The following GTPBP1 variants were observed in gnomAD, a reference collection of about 807,000 sequenced individuals.
The protein encoded by GTPBP1 is GTP-binding protein 1.
Under a neutral mutation model 62.0 loss-of-function variants are expected in GTPBP1, and 23 were observed. The ratio of observed to expected loss-of-function variants is 0.37; its 90% CI spans 0.27 to 0.53. The LOEUF is 0.53. GTPBP1 is among the 20% of genes least tolerant of loss of function. GTPBP1 has a pLI of 0.89. For synonymous variants in GTPBP1, 344 were observed against 364.4 expected, an observed-to-expected ratio of 0.94 and a Z score of 0.64; for missense variants, 640 against 917.3, an observed-to-expected ratio of 0.70 and a Z score of 3.90.
Position 38,726,024 on chromosome 22 carries a change from G to A in GTPBP1, c.1092G>A (p.Gln364=). The A allele has an allele frequency of 6.2e-7, 1 of 1,614,082 alleles. No individual in the cohort carries two copies. ...TGCTTAGGATGTGCCCGATATTCCA[G>A]ATCTCCAACGTTACAGGCGAGAACC... ...FSSERMCPIF[Q]ISNVTGENLD... Residue 364 remains glutamine (Q), a synonymous_variant, in exon 7 of 12, where the codon CAG becomes CAA. Coordinates refer to ENST00000216044, the MANE Select transcript of GTPBP1 (RefSeq NM_004286.5). This position sits in a 1 kb window ranked among gnomAD's most constrained non-coding sequence, Gnocchi z 4.1.
chr22:38,726,181 G>A lies in GTPBP1; in HGVS notation c.1218+31G>A, dbSNP rs763494965. Reference sequence around the variant, plus strand: ...TGGCTCTGGGCGGGTAGCTGGGTGGGCACTTCCTACAGTGGCATCAGGGGG... The same window carrying A: ...TGGCTCTGGGCGGGTAGCTGGGTGGACACTTCCTACAGTGGCATCAGGGGG... On this transcript the variant is annotated intron_variant, in intron 7 of 11. Transcript: ENST00000216044. The surrounding 1 kb of genome is among the most constrained non-coding windows in gnomAD (Gnocchi z 4.1). 4 of 1,608,882 alleles carry A rather than the reference G, an allele frequency of 2.5e-6. No individual in the cohort carries two copies. In the African/African-American group the frequency reaches 5.3e-5, roughly 21 times the overall value.
Position 38,705,968 on chromosome 22 carries a change from C to G in GTPBP1, c.13C>G (p.Arg5Gly). ...TAAGTTATTAAAGATGGCGACGGAG[C>G]GCAGTCGCTCCGCGATGGACTCGCC... MATE[R>G]SRSAMDSPVP... The change falls in exon 1 of 12, where the codon CGC becomes GGC. Residue 5 changes from arginine to glycine, a missense_variant. Physicochemically the swap from Arg to Gly is moderately radical, Grantham distance 125 (BLOSUM62 -2). This residue lies in a region of GTPBP1 where 215 missense variants were observed against 235.1 expected (regional missense o/e 0.91). Transcript: ENST00000216044. 1.4e-6 allele frequency: 2 copies of G among 1,443,402 alleles called. No individual in the cohort carries two copies. The highest frequency in any genetic ancestry group is 1.8e-6 in the Non-Finnish European group (2 of 1,095,004). 89.4% of individuals were successfully genotyped at this position (1,443,402 alleles called of 1,614,324 possible). A position where few individuals can be genotyped will look rare whatever the true frequency, so the allele number is the denominator to read the frequency against.
downstream of GTPBP1, chr22:38,737,964 T>C (rs1475794547): frequency 7.1e-6 from 5 of 702,630 alleles, no homozygotes; most frequent in African/African-American, 5.3e-5. This position sits in a 1 kb window ranked among gnomAD's most constrained non-coding sequence, Gnocchi z 4.1. Flanking sequence ...GCTTCCCTCA[T>C]GCTGCCCTTC....
intron 10 of GTPBP1, chr22:38,729,069 C>G (rs4820346): frequency 0.69 from 111,806 of 161,572 alleles, 38,868 homozygotes; most frequent in Admixed American, 0.77. Flanking sequence ...GCTTAGCAAT[C>G]AGGAGATCCC....
chr22:38,706,813 C>T (rs1479639910), intron 1 of GTPBP1: 3 of 152,190 alleles, frequency 2.0e-5, no homozygotes, highest in African/African-American at 7.2e-5. Flanking sequence ...ATGAGTGGAG[C>T]AGTGAAGGAC....
At chr22:38,708,819 C>T (rs775426661) in intron 1 of GTPBP1, 26 bp from the exon 2 acceptor site, 1 of 1,288,006 alleles carries the variant, frequency 7.8e-7, no homozygotes, top group East Asian at 2.3e-5. Context: ...CAAGTGTGGT[C>T]CTAAGGCTGT....
rs2092726763 is a variant in GTPBP1 at position 38,726,363 on chromosome 22, G to A, written c.1324G>A (p.Val442Ile). Residue 442 changes from valine (V) to isoleucine (I), a missense_variant, in exon 8 of 12, where the codon GTC (valine) becomes ATC (isoleucine). Around this residue, in one of 4 missense-constraint regions of GTPBP1, gnomAD observed 220 missense variants for 358.1 expected, o/e 0.61. Coordinates refer to ENST00000216044, the MANE Select transcript of GTPBP1 (RefSeq NM_004286.5). This position sits in a 1 kb window ranked among gnomAD's most constrained non-coding sequence, Gnocchi z 4.1. ...DPLGNFLSIA[V>I]KSIHRKRMPV... ...CTTGGGTAACTTCCTGTCCATTGCT[G>A]TCAAATCCATCCATCGCAAGCGCAT... 6.2e-7 allele frequency: 1 copy of A among 1,614,078 alleles called. No homozygotes were observed. Among genetic ancestry groups the A allele is most frequent in the East Asian group, 2.2e-5 (1 of 44,880 alleles).
At chr22:38,720,919 T>C (rs2145865761) in intron 4 of GTPBP1, among the ~76,000 whole-genome samples, 1 of 152,202 alleles carries the variant, frequency 6.6e-6, no homozygotes, top group South Asian at 2.1e-4. Context: ...GTTGTTGTTG[T>C]TTATGAGACA....
At chr22:38,721,262 G>A (rs2145866905) in intron 4 of GTPBP1, among the ~76,000 whole-genome samples, 1 of 152,304 alleles carries the variant, frequency 6.6e-6, no homozygotes, top group South Asian at 2.1e-4. Flanking sequence ...TATTTTAGTA[G>A]AGACAGGGTT....
downstream of GTPBP1, chr22:38,738,981 G>A (rs150014549): frequency 1.0e-4 from 169 of 1,609,562 alleles, 2 homozygotes; most frequent in South Asian, 6.0e-4. The surrounding 1 kb of genome is among the most constrained non-coding windows in gnomAD (Gnocchi z 6.6). Context: ...TGCTGATGAC[G>A]CTGGCCCCTG....
intron 1 of GTPBP1, among the ~76,000 whole-genome samples, chr22:38,708,220 G>C (rs1305442230): frequency 6.6e-6 from 1 of 152,180 alleles, no homozygotes; most frequent in African/African-American, 2.4e-5. Flanking sequence ...TTGCCAAATG[G>C]CTTACCCAAG....
downstream of GTPBP1, chr22:38,739,654 G>A: frequency 6.5e-7 from 1 of 1,549,770 alleles, no homozygotes; most frequent in Non-Finnish European, 8.8e-7. This position sits in a 1 kb window ranked among gnomAD's most constrained non-coding sequence, Gnocchi z 6.7. Flanking sequence ...TGGCAGTGTG[G>A]GACTGTCCAG....
chr22:38,735,655 C>T (rs73417423), downstream of GTPBP1: 6,473 of 169,340 alleles, frequency 0.038, 473 homozygotes, highest in African/African-American at 0.15. Flanking sequence ...AGCCCCATGG[C>T]CCACTGCTAC....
rs2092761759 is a variant in GTPBP1 at position 38,731,765 on chromosome 22, C to G, written c.*1061C>G. On this transcript the variant is annotated 3_prime_UTR_variant, in exon 12 of 12. Coordinates refer to ENST00000216044, the MANE Select transcript of GTPBP1 (RefSeq NM_004286.5). ...CAGGCTGAGACTAGAACCCCATCTT[C>G]CCCACCACGCCACCCCTGTGGCTGC... 1 of 152,426 alleles carries G rather than the reference C, an allele frequency of 6.6e-6. No individual in the cohort carries two copies. The allele number at this position is 152,426 out of a possible 1,614,324, so 9.4% of individuals were successfully genotyped here.
chr22:38,741,030 C>T, downstream of GTPBP1: 1 of 1,598,448 alleles, frequency 6.3e-7, no homozygotes, highest in East Asian at 2.3e-5. Context: ...ACTTCAGCTG[C>T]TGGATGCGAG....
chr22:38,735,867 C>T (rs181405279), downstream of GTPBP1: 474 of 177,628 alleles, frequency 2.7e-3, 2 homozygotes, highest in Non-Finnish European at 4.8e-3. Flanking sequence ...GGGGCAGAGG[C>T]AGCTCACCTA....
intron 5 of GTPBP1, among the ~76,000 whole-genome samples, chr22:38,723,789 C>T (rs2145872992): frequency 6.6e-6 from 1 of 152,326 alleles, no homozygotes; most frequent in South Asian, 2.1e-4. Flanking sequence ...TACCTTTTGC[C>T]ACCAAAGCTT....
At chr22:38,729,697 G>T (rs755202477) in intron 11 of GTPBP1, 35 bp downstream of exon 11, 6 of 1,400,006 alleles carry the variant, frequency 4.3e-6, no homozygotes, top group Non-Finnish European at 5.6e-6. Flanking sequence ...CGGCATGGTG[G>T]TGGGGGCTGT....
chr22:38,727,334 G>A lies in GTPBP1; in HGVS notation c.1523G>A (p.Arg508His), dbSNP rs765275240. The A allele has an allele frequency of 8.2e-6, 13 of 1,581,188 alleles. No individual in the cohort carries two copies. The highest frequency in any genetic ancestry group is 2.3e-5 in the South Asian group (2 of 87,282). ...CACCACCCCACCACAATTAGCCCGCGCTACCAGGCCATGGGTAGGTGTCTA... is the reference window on the plus strand; with the variant it reads ...CACCACCCCACCACAATTAGCCCGCACTACCAGGCCATGGGTAGGTGTCTA... ...VLHHPTTISP[R>H]YQAMVHCGSI... The change falls in exon 9 of 12, where the codon CGC becomes CAC. Residue 508 changes from arginine to histidine, a missense_variant. By Grantham distance (29) the Arg-to-His change is conservative. Coordinates refer to ENST00000216044, the MANE Select transcript of GTPBP1 (RefSeq NM_004286.5). This position sits in a 1 kb window ranked among gnomAD's most constrained non-coding sequence, Gnocchi z 6.5.
Sources: gnomAD v4.1 joint callset for allele counts (sites outside exome capture counted in the v4.1 genomes callset) on GRCh38, gnomAD v4.1.1 for gene constraint, gnomAD v4.1.1 regional missense constraint, Gnocchi (gnomAD v3.1) non-coding constraint, MANE v1.5 for transcripts, NCBI Gene and HGNC (gene_info 2026-07-23, HGNC 2026-07-21) for gene names.